Variants in DNA2 observed in about 807,000 individuals in gnomAD.
The protein encoded by DNA2 is DNA replication ATP-dependent helicase/nuclease DNA2.
Under a neutral mutation model 119.1 loss-of-function variants are expected in DNA2, and 101 were observed. That is an observed-to-expected ratio of 0.85 (90% confidence interval 0.72 to 1.00). The LOEUF (loss-of-function observed/expected upper bound fraction) is 1.00. DNA2 is among the 50% of genes least tolerant of loss of function. The pLI, the probability that DNA2 is intolerant of heterozygous loss-of-function variation, is 0.00. For synonymous variants in DNA2, 366 were observed against 424.4 expected (o/e 0.86, Z 1.69); for missense variants, 1,121 against 1,255.5 (o/e 0.89, Z 1.62).
chr10:68,433,202 C>T (rs528346397), intron 10 of DNA2, among the ~76,000 whole-genome samples: 9 of 152,188 alleles, frequency 5.9e-5, no homozygotes, highest in Non-Finnish European at 1.2e-4. Flanking sequence ...ATGGCATTGG[C>T]ATTTGCATTT....
intron 3 of DNA2, among the ~76,000 whole-genome samples, chr10:68,467,501 G>T (rs545604713): frequency 6.6e-6 from 1 of 152,236 alleles, no homozygotes; most frequent in South Asian, 2.1e-4. Context: ...TGAGTACATG[G>T]GAGTTTATTA....
At chr10:68,440,588 T>C (rs2051955370) in intron 9 of DNA2, among the ~76,000 whole-genome samples, 1 of 151,892 alleles carries the variant, frequency 6.6e-6, no homozygotes, top group Non-Finnish European at 1.5e-5. Context: ...TGAGCCACCT[T>C]GCCCAGCCCA....
intron 2 of DNA2, 50 bp from the exon 3 acceptor site, chr10:68,468,356 A>G: frequency 8.1e-7 from 1 of 1,232,246 alleles, no homozygotes; most frequent in Non-Finnish European, 1.1e-6. Flanking sequence ...AGGTTCCTAC[A>G]TGTAAACGTA....
At chr10:68,424,656 C>T in intron 14 of DNA2, 3 of 1,606,652 alleles carry the variant, frequency 1.9e-6, no homozygotes, top group South Asian at 2.2e-5. Context: ...CATGTCATCC[C>T]CGCTCTCCAA....
At position 68,465,807 on chromosome 10, in the gene DNA2, A is replaced by G; in HGVS notation, c.447T>C (p.Ser149=). Residue 149 remains serine, a synonymous_variant, in exon 4 of 21, where the codon TCT becomes TCC. Coordinates refer to ENST00000358410, the MANE Select transcript of DNA2 (RefSeq NM_001080449.3). ...RAVLSETFRS[S]DPATRQMLIG... ...TTAGCATTTGGCGTGTGGCTGGATC[A>G]GAGCTCTACAAAAGCAAATCACACA... 1 of 1,547,332 alleles carries G rather than the reference A, an allele frequency of 6.5e-7. No homozygotes were observed.
At chr10:68,448,962 T>C (rs200774593) in intron 6 of DNA2, among the ~76,000 whole-genome samples, 58 of 104,280 alleles carry the variant, frequency 5.6e-4, no homozygotes, top group African/African-American at 1.3e-3. Context: ...TGTGTGTGTG[T>C]GTGTGCGTGT....
intron 10 of DNA2, among the ~76,000 whole-genome samples, chr10:68,433,454 C>G (rs899397353): frequency 6.6e-6 from 1 of 152,152 alleles, no homozygotes; most frequent in Non-Finnish European, 1.5e-5. Flanking sequence ...GAGGAAAATG[C>G]AAATCCAATG....
At position 68,419,982 on chromosome 10, in the gene DNA2, T is replaced by G. The variant is rs1157520552; in HGVS notation, c.2698-90A>C. 16 of 966,468 alleles carry G rather than the reference T, an allele frequency of 1.7e-5. No homozygotes were observed. The East Asian group carries it at 3.4e-4, about 21-fold the overall frequency. The allele number at this position is 966,468 out of a possible 1,614,324, so 59.9% of individuals were successfully genotyped here. The stretch of plus-strand genomic sequence containing the variant: ...TGGCCATAAAGACTATACTACCGAC[T>G]TGGAGATGAAAAATAGCTTTGTCTA... On this transcript the variant is annotated intron_variant, in intron 17 of 20. Transcript: ENST00000358410.
chr10:68,458,586 T>C (rs12221040), intron 5 of DNA2, among the ~76,000 whole-genome samples: 44,681 of 150,982 alleles, frequency 0.3, 7,277 homozygotes, highest in African/African-American at 0.43. Flanking sequence ...CAGTGGCTCA[T>C]GCCTGTAATC....
rs373089726 is a variant in DNA2, at chr10:68,437,181, A to G, written c.1476T>C (p.Cys492=). ...LIRMEHVKIV[C]DGQYLHNFQC... The stretch of plus-strand genomic sequence containing the variant: ...GGAAATTATGTAAATATTGCCCATC[A>G]CAAACTATCTTTACATGTTCCATTC... The change falls in exon 10 of 21, where the codon TGT becomes TGC. Residue 492 remains cysteine (C), a synonymous_variant. Coordinates refer to ENST00000358410, the MANE Select transcript of DNA2 (RefSeq NM_001080449.3). The G allele has an allele frequency of 1.0e-4, 166 of 1,613,782 alleles. No individual in the cohort carries two copies. The African/African-American group carries it at 1.7e-3, about 17-fold the overall frequency.
intron 13 of DNA2, among the ~76,000 whole-genome samples, chr10:68,431,642 T>A (rs533065704): frequency 2.0e-4 from 30 of 152,230 alleles, no homozygotes; most frequent in Non-Finnish European, 3.8e-4. Context: ...CACATACCAC[T>A]AACGGAAAGC....
At chr10:68,461,868 T>C (rs1590074145) in intron 4 of DNA2, among the ~76,000 whole-genome samples, 1 of 148,804 alleles carries the variant, frequency 6.7e-6, no homozygotes, top group Admixed American at 6.7e-5. Context: ...GCTGGAGGAT[T>C]GTTTGAGGCT....
intron 4 of DNA2, among the ~76,000 whole-genome samples, chr10:68,462,511 T>C (rs1032393590): frequency 6.6e-6 from 1 of 152,292 alleles, no homozygotes; most frequent in East Asian, 1.9e-4. Context: ...TTTTTTAGTG[T>C]AAAGGGGTCC....
chr10:68,458,017 G>C lies in DNA2; in HGVS notation c.719+1087C>G, dbSNP rs116280457. On this transcript the variant is annotated intron_variant, in intron 5 of 20. Transcript: ENST00000358410. ...GTGAAACTTCATCTCTAATAAAAAT[G>C]CAAAAACTAGCCAGGTGTGGTGGCA... 7.7e-3 allele frequency among the ~76,000 whole-genome samples: 1,159 copies of C among 150,864 alleles called. 13 individuals carry two copies. Among genetic ancestry groups the C allele is most frequent in the African/African-American group, 0.027 (1,104 of 41,140 alleles).
At chr10:68,424,591 G>T (rs1308357515) in intron 14 of DNA2, 3 of 1,179,728 alleles carry the variant, frequency 2.5e-6, no homozygotes, top group South Asian at 1.2e-5. Flanking sequence ...AACTTGGACC[G>T]CAGCAAAAAC....
At chr10:68,449,402 T>C (rs572642396) in intron 6 of DNA2, among the ~76,000 whole-genome samples, 3 of 152,296 alleles carry the variant, frequency 2.0e-5, no homozygotes, top group East Asian at 1.9e-4. Flanking sequence ...GAAAACCTAA[T>C]AATAGGTGAA....
chr10:68,453,516 A>G (rs2052146168), intron 5 of DNA2, among the ~76,000 whole-genome samples: 1 of 152,192 alleles, frequency 6.6e-6, no homozygotes, highest in South Asian at 2.1e-4. Context: ...TTGAAAAATT[A>G]TATATACAGT....
chr10:68,420,030 A>G, intron 17 of DNA2, 138 bp from the exon 18 acceptor site: 2 of 697,612 alleles, frequency 2.9e-6, no homozygotes, highest in East Asian at 2.6e-5. Context: ...GAAAGAATCA[A>G]CAAAAATGAA....
chr10:68,423,989 G>T (rs553503325), intron 14 of DNA2, among the ~76,000 whole-genome samples: 26 of 152,074 alleles, frequency 1.7e-4, no homozygotes, highest in Non-Finnish European at 3.5e-4. Context: ...AATTAAAGAC[G>T]AACCAGGAAA....
Sources: allele counts gnomAD v4.1 joint callset (sites outside exome capture counted in the v4.1 genomes callset), GRCh38; gene constraint gnomAD v4.1.1; transcripts MANE v1.5; gene names NCBI Gene and HGNC (gene_info 2026-07-23, HGNC 2026-07-21).